RALYL: variants seen among roughly 807,000 people sequenced by gnomAD.
RALYL encodes RALY RNA binding protein like.
A neutral mutation model predicts 35.1 loss-of-function variants in RALYL; 29 were observed. The observed-to-expected ratio is 0.83, with a 90% confidence interval of 0.61 to 1.13. RALYL has a LOEUF of 1.13. Ranked by LOEUF, RALYL falls within the 50% of genes most tolerant of loss-of-function variation. RALYL has a pLI of 0.00. For missense variants in RALYL, 359 were observed against 360.4 expected (o/e 1.00, Z 0.03); for synonymous variants, 120 against 127.6 (o/e 0.94, Z 0.40).
At chr8:84,310,047 T>C (rs1437014385) in intron 1 of RALYL, among the ~76,000 whole-genome samples, 1 of 132,960 alleles carries the variant, frequency 7.5e-6, no homozygotes, top group Non-Finnish European at 1.6e-5. Flanking sequence ...TTCTTTTTTC[T>C]TTTTTTTTTT....
chr8:84,426,444 G>GTGTT (rs922377177), intron 1 of RALYL, among the ~76,000 whole-genome samples: 6 of 149,542 alleles, frequency 4.0e-5, no homozygotes, highest in Non-Finnish European at 7.5e-5. Context: ...CTCTCTGTGT[G>GTGTT]TGTGTGTGTG....
intron 8 of RALYL, among the ~76,000 whole-genome samples, chr8:84,920,586 T>C (rs1296737009): frequency 6.6e-6 from 1 of 152,074 alleles, no homozygotes; most frequent in Non-Finnish European, 1.5e-5. Context: ...TTCCCTAGTC[T>C]AGAACTTTAA....
intron 1 of RALYL, among the ~76,000 whole-genome samples, chr8:84,507,908 A>C (rs911175643): frequency 6.6e-6 from 1 of 152,176 alleles, no homozygotes; most frequent in African/African-American, 2.4e-5. Flanking sequence ...TCCTTTCTGA[A>C]GGAGGAAAAT....
At chr8:84,231,211 A>G (rs1187830909) in intron 1 of RALYL, among the ~76,000 whole-genome samples, 2 of 152,208 alleles carry the variant, frequency 1.3e-5, no homozygotes, top group African/African-American at 4.8e-5. Context: ...CTGAGACTAG[A>G]AGATAAAGAA....
chr8:84,407,561 A>G (rs1385755012), intron 1 of RALYL, among the ~76,000 whole-genome samples: 5 of 150,938 alleles, frequency 3.3e-5, no homozygotes, highest in Non-Finnish European at 7.4e-5. Context: ...AACCCCATAT[A>G]CTTTACATAT....
At chr8:84,236,928 A>G (rs1202180583) in intron 1 of RALYL, among the ~76,000 whole-genome samples, 3 of 152,194 alleles carry the variant, frequency 2.0e-5, no homozygotes, top group African/African-American at 2.4e-5. Context: ...TAATTTACTT[A>G]ATTAGCACCT....
intron 1 of RALYL, among the ~76,000 whole-genome samples, chr8:84,192,906 T>TGGGGG (rs771310412): frequency 1.7e-5 from 1 of 59,492 alleles, no homozygotes; most frequent in African/African-American, 8.6e-5. Context: ...TGTGTGTGTG[T>TGGGGG]GGGGGGGGGG....
rs35254976 is a variant in RALYL at position 84,190,871 on chromosome 8, C to CTT, written c.-24+6456_-24+6457dup. Among the ~76,000 whole-genome samples the CTT allele has an allele frequency of 1.4e-3, 208 of 147,764 alleles. 1 individual carries two copies. The highest frequency in any genetic ancestry group is 3.5e-3 in the Middle Eastern group (1 of 284). ...ACAGGTAGAAATTTGGGAACATCTG[C>CTT]TTTTTTTTTTGAGTGAATGTAAAAG... is the stretch of plus-strand genomic sequence containing the variant. On this transcript the variant is annotated intron_variant, in intron 1 of 8. Coordinates refer to ENST00000521268, the MANE Select transcript of RALYL (RefSeq NM_173848.7).
chr8:84,570,692 C>G (rs1183708688), intron 2 of RALYL, among the ~76,000 whole-genome samples: 1 of 151,812 alleles, frequency 6.6e-6, no homozygotes, highest in Non-Finnish European at 1.5e-5. Context: ...TTCAACTTTT[C>G]TCCATTCAAC....
At chr8:84,749,657 G>A (rs563138758) in intron 2 of RALYL, among the ~76,000 whole-genome samples, 6 of 152,158 alleles carry the variant, frequency 3.9e-5, no homozygotes, top group South Asian at 2.1e-4. Context: ...ATGTAGCATT[G>A]GGAGAGGGAA....
Position 84,735,207 on chromosome 8 carries a change from C to A in RALYL, c.257-39372C>A, listed in dbSNP as rs74923036. Among the ~76,000 whole-genome samples the A allele has an allele frequency of 8.4e-3, 1,277 of 151,938 alleles. 18 individuals are homozygous for A. Among genetic ancestry groups the A allele is most frequent in the East Asian group, 0.026 (134 of 5,148 alleles). On this transcript the variant is annotated intron_variant, in intron 2 of 8. Coordinates refer to ENST00000521268, the MANE Select transcript of RALYL (RefSeq NM_173848.7). The stretch of plus-strand genomic sequence containing the variant: ...GTATCAGCAGACTAGATAATGAATT[C>A]TTGACACTTATTCCTCCAGTACTGT...
At chr8:84,399,293 T>A (rs2042657227) in intron 1 of RALYL, among the ~76,000 whole-genome samples, 1 of 152,214 alleles carries the variant, frequency 6.6e-6, no homozygotes, top group Non-Finnish European at 1.5e-5. Flanking sequence ...TAGAAATAGT[T>A]TCTGTTAGTG....
At chr8:84,279,021 G>C (rs1835982021) in intron 1 of RALYL, among the ~76,000 whole-genome samples, 1 of 152,120 alleles carries the variant, frequency 6.6e-6, no homozygotes, top group Admixed American at 6.5e-5. Flanking sequence ...GACAAGACTG[G>C]GTAATTTATA....
chr8:84,848,311 C>T (rs931446499), intron 4 of RALYL, among the ~76,000 whole-genome samples: 1 of 151,552 alleles, frequency 6.6e-6, no homozygotes, highest in African/African-American at 2.4e-5. Flanking sequence ...ACATATATAT[C>T]TATAGGGGTG....
intron 3 of RALYL, among the ~76,000 whole-genome samples, chr8:84,789,685 C>G (rs1820345208): frequency 6.6e-6 from 1 of 152,036 alleles, no homozygotes; most frequent in African/African-American, 2.4e-5. Flanking sequence ...TGGTGAAACC[C>G]CATCTTTACA....
intron 1 of RALYL, among the ~76,000 whole-genome samples, chr8:84,511,310 T>G (rs1002541981): frequency 6.6e-6 from 1 of 152,244 alleles, no homozygotes; most frequent in African/African-American, 2.4e-5. Context: ...ATCTTCAGTT[T>G]GCATTCATGC....
At chr8:84,574,250 A>T (rs959000801) in intron 2 of RALYL, among the ~76,000 whole-genome samples, 1 of 152,048 alleles carries the variant, frequency 6.6e-6, no homozygotes, top group African/African-American at 2.4e-5. Flanking sequence ...TGGTTGTTCA[A>T]AAAAGTCTTA....
chr8:84,478,132 T>C (rs144345829), intron 1 of RALYL, among the ~76,000 whole-genome samples: 2,516 of 152,230 alleles, frequency 0.017, 69 homozygotes, highest in African/African-American at 0.057. Flanking sequence ...ACAGAATTTA[T>C]ATTAATATTG....
At chr8:84,195,211 G>A (rs932214188) in intron 1 of RALYL, among the ~76,000 whole-genome samples, 2 of 151,982 alleles carry the variant, frequency 1.3e-5, no homozygotes, top group South Asian at 2.1e-4. Context: ...AATATTTGTC[G>A]GGGATCTATT....
Sources: allele counts gnomAD v4.1 joint callset (sites outside exome capture counted in the v4.1 genomes callset), GRCh38; gene constraint gnomAD v4.1.1; transcripts MANE v1.5; gene names NCBI Gene and HGNC (gene_info 2026-07-23, HGNC 2026-07-21).